JAZF1: variants seen among roughly 807,000 people sequenced by gnomAD.
JAZF1 encodes JAZF zinc finger 1.
Under a neutral mutation model 26.4 loss-of-function variants are expected in JAZF1, and 8 were observed. The ratio of observed to expected loss-of-function variants is 0.30; its 90% confidence interval spans 0.18 to 0.55. JAZF1 has a LOEUF of 0.55. Among genes scored for constraint, JAZF1 ranks in the 20% least tolerant of loss-of-function variants. JAZF1 has a pLI of 0.94. For missense variants in JAZF1, 199 were observed against 322.0 expected, an observed-to-expected ratio of 0.62 and a Z score of 2.92; for synonymous variants, 126 against 122.3, an observed-to-expected ratio of 1.03 and a Z score of -0.20.
At chr7:27,904,825 C>T (rs1784223595) in intron 2 of JAZF1, among the ~76,000 whole-genome samples, 1 of 152,202 alleles carries the variant, frequency 6.6e-6, no homozygotes, top group African/African-American at 2.4e-5. Context: ...TTGACCTTTA[C>T]AATGGTTGTG....
intron 1 of JAZF1, among the ~76,000 whole-genome samples, chr7:28,107,679 T>C (rs1166770653): frequency 1.3e-5 from 2 of 152,166 alleles, no homozygotes; most frequent in Admixed American, 1.3e-4. Flanking sequence ...CATAAGGACC[T>C]CACAGGTTAC....
At chr7:28,176,612 T>C (rs1783555459) in intron 1 of JAZF1, among the ~76,000 whole-genome samples, 1 of 152,328 alleles carries the variant, frequency 6.6e-6, no homozygotes, top group African/African-American at 2.4e-5. Context: ...TATCCTAGAA[T>C]ATAAACTTCC....
At chr7:27,898,304 T>TATATATATATATATAC (rs375859244) in intron 2 of JAZF1, among the ~76,000 whole-genome samples, 16 of 128,928 alleles carry the variant, frequency 1.2e-4, no homozygotes, top group Middle Eastern at 4.3e-3. Flanking sequence ...TATATATATA[T>TATATATATATATATAC]ACATCGGTTT....
chr7:28,177,429 A>G (rs1269213979), intron 1 of JAZF1, among the ~76,000 whole-genome samples: 1 of 152,240 alleles, frequency 6.6e-6, no homozygotes, highest in Non-Finnish European at 1.5e-5. Flanking sequence ...CAAACTAAAC[A>G]TAATACTTTT....
intron 2 of JAZF1, among the ~76,000 whole-genome samples, chr7:27,919,811 A>T (rs7791865): frequency 0.11 from 17,108 of 152,196 alleles, 1,160 homozygotes; most frequent in African/African-American, 0.2. Context: ...TTCAAAAAGT[A>T]CTAGCTGGGA....
intron 1 of JAZF1, among the ~76,000 whole-genome samples, chr7:28,119,807 A>C (rs115525920): frequency 0.019 from 2,943 of 152,276 alleles, 97 homozygotes; most frequent in African/African-American, 0.068. Context: ...ATATCAATTA[A>C]CTGATAAAAA....
chr7:28,170,334 GATATGTGTGTGTGT>G (rs1783436232), intron 1 of JAZF1, among the ~76,000 whole-genome samples: 1 of 104,348 alleles, frequency 9.6e-6, no homozygotes. Flanking sequence ...AAGAGAAGTT[GATATGTGTGTGTGT>G]GTGTGTGTGT....
rs1328532342 is a variant in JAZF1, at chr7:28,120,765, A to AG, written c.115+59697dup. 2.0e-5 allele frequency among the ~76,000 whole-genome samples: 3 copies of AG among 152,248 alleles called. No homozygotes were observed. The East Asian group carries it at 5.8e-4, about 29-fold the overall frequency. ...GCCACCCCAAGTGGGAGATTTGCTC[A>AG]GCTCTGCCCTGCTACTCTCTTTTCA... is the stretch of plus-strand genomic sequence containing the variant. On this transcript the variant is annotated intron_variant, in intron 1 of 4. Coordinates refer to ENST00000283928, the MANE Select transcript of JAZF1 (RefSeq NM_175061.4).
chr7:27,981,048 G>A (rs1362183617), intron 2 of JAZF1, among the ~76,000 whole-genome samples: 1 of 152,170 alleles, frequency 6.6e-6, no homozygotes, highest in East Asian at 1.9e-4. Flanking sequence ...AATCCTGTAT[G>A]AGTGGAGGTA....
intron 1 of JAZF1, among the ~76,000 whole-genome samples, chr7:28,017,350 GA>G (rs1180100308): frequency 0.11 from 8,927 of 81,818 alleles, 775 homozygotes; most frequent in African/African-American, 0.3. Context: ...CTCTGTTTCA[GA>G]AAAAAAAAAA....
In JAZF1 at chr7:28,174,821, G is replaced by GTGTGTGT. The variant is rs1783524345; in HGVS notation, c.115+5641_115+5642insACACACA. Among the ~76,000 whole-genome samples, 975 of 107,798 alleles carry GTGTGTGT rather than the reference G, an allele frequency of 9.0e-3. 224 individuals carry two copies. The highest frequency in any genetic ancestry group is 0.013 in the Non-Finnish European group (551 of 43,104). The allele number at this position is 107,798 out of a possible 152,430, so 70.7% of individuals were successfully genotyped here. A position where few individuals can be genotyped will look rare whatever the true frequency, so the allele number is the denominator to read the frequency against. On this transcript the variant is annotated intron_variant, in intron 1 of 4. Transcript: ENST00000283928. ...CCTGATCCTGCCTATGGGGTGTGTG[G>GTGTGTGT]GTGTGTGTGTGTGTGTGTGTGTGTG...
intron 2 of JAZF1, among the ~76,000 whole-genome samples, chr7:27,904,480 C>T (rs1302669640): frequency 6.6e-6 from 1 of 152,164 alleles, no homozygotes; most frequent in Non-Finnish European, 1.5e-5. Context: ...GATCTGGGAA[C>T]TTAATAAATG....
At chr7:27,870,730 C>T (rs1783565602) in intron 3 of JAZF1, among the ~76,000 whole-genome samples, 1 of 152,082 alleles carries the variant, frequency 6.6e-6, no homozygotes, top group Non-Finnish European at 1.5e-5. Context: ...AGTGGCTGCC[C>T]AGGTCAAATA....
rs758917028 is a variant in JAZF1 at position 27,879,095 on chromosome 7, G to A, written c.385+16125C>T. Reference sequence around the variant, plus strand: ...GAACTCTCAGGAGTCTCTGAAACCTGTAATTCTTTTATTTCCAAAACATAT... The same window carrying A: ...GAACTCTCAGGAGTCTCTGAAACCTATAATTCTTTTATTTCCAAAACATAT... On this transcript the variant is annotated intron_variant, in intron 3 of 4. Transcript: ENST00000283928. Among the ~76,000 whole-genome samples, 58 of 152,272 alleles carry A rather than the reference G, an allele frequency of 3.8e-4. 1 individual carries two copies. The highest frequency in any genetic ancestry group is 3.4e-3 in the Middle Eastern group (1 of 294).
intron 3 of JAZF1, among the ~76,000 whole-genome samples, chr7:27,849,774 C>CACACACACACACACACACACACATAT (rs59861991): frequency 6.7e-6 from 1 of 150,066 alleles, no homozygotes; most frequent in Non-Finnish European, 1.5e-5. Flanking sequence ...CACACACACA[C>CACACACACACACACACACACACATAT]CCCTACACCT....
At chr7:27,961,101 A>C (rs1428601518) in intron 2 of JAZF1, among the ~76,000 whole-genome samples, 1 of 152,250 alleles carries the variant, frequency 6.6e-6, no homozygotes, top group African/African-American at 2.4e-5. Context: ...TTTATTGCTT[A>C]CTATGTGCCA....
intron 1 of JAZF1, among the ~76,000 whole-genome samples, chr7:28,079,540 A>G (rs1784103467): frequency 6.6e-6 from 1 of 152,222 alleles, no homozygotes; most frequent in South Asian, 2.1e-4. Context: ...AAATCATAAA[A>G]CTGACAAGTC....
chr7:27,868,457 C>G (rs907173315), intron 3 of JAZF1, among the ~76,000 whole-genome samples: 3 of 152,210 alleles, frequency 2.0e-5, no homozygotes, highest in Admixed American at 1.3e-4. Context: ...GGCCGCCTCA[C>G]GGGGGTTTCT....
At position 27,840,923 on chromosome 7, in the gene JAZF1, C is replaced by T. The variant is rs1457173827; in HGVS notation, c.386-56G>A. ...AGGAGCGCTCATCTCCCCACAGGTT[C>T]ACCCGGCCACTTCCAGGACAGGAGA... On this transcript the variant is annotated intron_variant, in intron 3 of 4. Coordinates refer to ENST00000283928, the MANE Select transcript of JAZF1 (RefSeq NM_175061.4). The surrounding 1 kb of genome is among the most constrained non-coding windows in gnomAD (Gnocchi z 5.1). 4 of 1,576,038 alleles carry T rather than the reference C, an allele frequency of 2.5e-6. No homozygotes were observed. The highest frequency in any genetic ancestry group is 3.5e-6 in the Non-Finnish European group (4 of 1,154,550).
Sources: allele counts gnomAD v4.1 joint callset (sites outside exome capture counted in the v4.1 genomes callset), GRCh38; gene constraint gnomAD v4.1.1; non-coding constraint Gnocchi (gnomAD v3.1); transcripts MANE v1.5; gene names NCBI Gene and HGNC (gene_info 2026-07-23, HGNC 2026-07-21).